ANKRD11: variants seen among roughly 807,000 people sequenced by gnomAD.
ANKRD11 encodes the protein ankyrin repeat domain-containing protein 11.
ANKRD11 carries 17 observed loss-of-function variants against 195.7 expected under a neutral mutation model. That is an observed-to-expected ratio of 0.09 (90% CI 0.06 to 0.13). The LOEUF is 0.13. Among genes scored for constraint, ANKRD11 ranks in the 10% least tolerant of loss-of-function variants. The pLI is 1.00. For synonymous variants in ANKRD11, 1,953 were observed against 1,528.1 expected, an observed-to-expected ratio of 1.28 and a Z score of -6.49; for missense variants, 3,735 against 3,566.1, an observed-to-expected ratio of 1.05 and a Z score of -1.21.
Position 89,354,243 on chromosome 16 carries a change from CAAAAAA to C in ANKRD11, c.-59-37171_-59-37166del, listed in dbSNP as rs5818711. ...TATATAACTAAATTTTGCATTCAGC[CAAAAAA>C]AAAAAAAAAAAGAAAACTTCATGTT... On this transcript the variant is annotated intron_variant, in intron 2 of 12. Transcript: ENST00000301030. Among the ~76,000 whole-genome samples the C allele has an allele frequency of 1.1e-3, 144 of 126,240 alleles. 1 individual carries two copies. The highest frequency in any genetic ancestry group is 7.8e-3 in the Middle Eastern group (2 of 256). 82.8% of individuals were successfully genotyped at this position (126,240 alleles called of 152,430 possible). A position where few individuals can be genotyped will look rare whatever the true frequency, so the allele number is the denominator to read the frequency against.
chr16:89,344,334 G>A (rs2038838354), intron 2 of ANKRD11, among the ~76,000 whole-genome samples: 1 of 152,214 alleles, frequency 6.6e-6, no homozygotes, highest in Admixed American at 6.5e-5. Flanking sequence ...CAAAGAGACA[G>A]GAGCTGCAAC....
At chr16:89,379,977 C>A (rs977961583) in intron 2 of ANKRD11, among the ~76,000 whole-genome samples, 2 of 152,230 alleles carry the variant, frequency 1.3e-5, no homozygotes, top group Non-Finnish European at 2.9e-5. Context: ...TTACCAAACA[C>A]TATTTTCTGC....
chr16:89,389,071 A>G (rs910567542), intron 2 of ANKRD11, among the ~76,000 whole-genome samples: 7 of 152,230 alleles, frequency 4.6e-5, no homozygotes, highest in African/African-American at 1.4e-4. Flanking sequence ...TAGGACAGCA[A>G]TGGATTACAG....
At chr16:89,428,035 C>T in intron 1 of ANKRD11, among the ~76,000 whole-genome samples, 1 of 150,248 alleles carries the variant, frequency 6.7e-6, no homozygotes, top group East Asian at 2.0e-4. Flanking sequence ...TGGTGAAACG[C>T]CATCTCTAAT....
intron 2 of ANKRD11, among the ~76,000 whole-genome samples, chr16:89,396,304 ACT>A (rs149379454): frequency 0.01 from 1,559 of 152,268 alleles, 22 homozygotes; most frequent in African/African-American, 0.035. Flanking sequence ...TTGGGTGCAC[ACT>A]GTGTGCTGAC....
intron 11 of ANKRD11, 60 bp downstream of exon 11, chr16:89,274,754 G>A: frequency 2.5e-6 from 4 of 1,599,464 alleles, no homozygotes; most frequent in Non-Finnish European, 3.4e-6. Flanking sequence ...TCAAGGGGAG[G>A]GGAGGCGGGC....
intron 2 of ANKRD11, chr16:89,324,514 C>G (rs1329991853): frequency 1.5e-5 from 7 of 456,106 alleles, no homozygotes; most frequent in Non-Finnish European, 2.6e-5. Flanking sequence ...CTTGAGGAAG[C>G]TGCCAAAGGA....
In ANKRD11 at chr16:89,291,006, G is replaced by C; in HGVS notation, c.397+7C>G. 6.2e-7 allele frequency: 1 copy of C among 1,610,822 alleles called. No homozygotes were observed. The highest frequency in any genetic ancestry group is 8.5e-7 in the Non-Finnish European group (1 of 1,179,776). On this transcript the variant is annotated splice_region_variant and intron_variant, in intron 5 of 12. Transcript: ENST00000301030. This position sits in a 1 kb window ranked among gnomAD's most constrained non-coding sequence, Gnocchi z 5.3. ...TGCGCCAGGGACCACCCACAGGCCG[G>C]GCTCACCTGGGCTGTTGGCAGACTC...
intron 1 of ANKRD11, among the ~76,000 whole-genome samples, chr16:89,444,434 G>A (rs544920381): frequency 2.6e-5 from 4 of 152,024 alleles, no homozygotes; most frequent in African/African-American, 4.8e-5. Flanking sequence ...AAGCACTAAC[G>A]GCCTACTTTT....
chr16:89,283,267 G>A lies in ANKRD11; in HGVS notation c.3275C>T (p.Pro1092Leu), dbSNP rs769125026. ...QGKEKKEKAF[P>L]GIISEDFSEK... ...AGAGAAGTCTTCTGAGATGATCCCA[G>A]GGAAAGCCTTCTCCTTCTTCTCTTT... Residue 1092 changes from proline to leucine, a missense_variant, in exon 9 of 13, where the codon CCT becomes CTT. Physicochemically the swap from Pro to Leu is moderately conservative, Grantham distance 98. Transcript: ENST00000301030. This position sits in a 1 kb window ranked among gnomAD's most constrained non-coding sequence, Gnocchi z 4.3. 1.9e-6 allele frequency: 3 copies of A among 1,614,078 alleles called. No homozygotes were observed. In the East Asian group the frequency reaches 6.7e-5, roughly 36 times the overall value.
chr16:89,461,061 G>A (rs1161126384), intron 1 of ANKRD11, among the ~76,000 whole-genome samples: 8 of 141,850 alleles, frequency 5.6e-5, no homozygotes, highest in Non-Finnish European at 7.6e-5. Context: ...CGCAGGAGAC[G>A]CACCTTGAGT....
intron 1 of ANKRD11, among the ~76,000 whole-genome samples, chr16:89,453,737 C>G (rs1172751942): frequency 2.0e-5 from 3 of 152,232 alleles, no homozygotes; most frequent in South Asian, 4.1e-4. Flanking sequence ...CAAAAGAGAC[C>G]GGATGCCACT....
intron 1 of ANKRD11, among the ~76,000 whole-genome samples, chr16:89,463,459 A>ACGGTTGAAGGCAGCATACT (rs1333771437): frequency 1.2e-4 from 18 of 152,200 alleles, no homozygotes; most frequent in Non-Finnish European, 2.4e-4. Context: ...TGTTAAACAG[A>ACGGTTGAAGGCAGCATACT]CGGTTGAAGG....
At chr16:89,323,031 T>G in intron 2 of ANKRD11, 2 of 295,232 alleles carry the variant, frequency 6.8e-6, no homozygotes, top group East Asian at 1.1e-4. Flanking sequence ...TTCTGTGGAG[T>G]CGGGTTTCGC....
At position 89,280,433 on chromosome 16, in the gene ANKRD11, C is replaced by G; in HGVS notation, c.6109G>C (p.Val2037Leu). ...GGGACGGCGTCCACTCCGTCCTTGA[C>G]GTCCTCCAGCCCCGGCTCAGCGACG... ...LPVAEPGLED[V>L]KDGVDAVPAA... is the part of the protein sequence containing the mutation. The change falls in exon 9 of 13, where the codon GTC becomes CTC. Residue 2037 changes from valine (V) to leucine (L), a missense_variant. Coordinates refer to ENST00000301030, the MANE Select transcript of ANKRD11 (RefSeq NM_013275.6). 1 of 1,579,466 alleles carries G rather than the reference C, an allele frequency of 6.3e-7. No homozygotes were observed.
intron 1 of ANKRD11, among the ~76,000 whole-genome samples, chr16:89,443,132 C>T (rs1221227255): frequency 6.6e-6 from 1 of 152,106 alleles, no homozygotes; most frequent in Admixed American, 6.5e-5. Flanking sequence ...GCTCGGATTA[C>T]AGGCATGCAT....
intron 9 of ANKRD11, among the ~76,000 whole-genome samples, chr16:89,275,717 C>T (rs2033597865): frequency 6.6e-6 from 1 of 152,172 alleles, no homozygotes; most frequent in African/African-American, 2.4e-5. Flanking sequence ...CCCGTGGGGG[C>T]TGGGGGACTG....
chr16:89,430,537 G>A (rs1366697975), intron 1 of ANKRD11, among the ~76,000 whole-genome samples: 1 of 151,810 alleles, frequency 6.6e-6, no homozygotes, highest in African/African-American at 2.4e-5. Context: ...CTCACGCTCA[G>A]ACGTTCTAGT....
intron 2 of ANKRD11, among the ~76,000 whole-genome samples, chr16:89,375,449 A>T (rs2040380708): frequency 8.0e-6 from 1 of 124,642 alleles, no homozygotes; most frequent in South Asian, 2.9e-4. Flanking sequence ...CAGGCAACAC[A>T]GCAAGACTCT....
Sources: allele counts gnomAD v4.1 joint callset (sites outside exome capture counted in the v4.1 genomes callset), GRCh38; gene constraint gnomAD v4.1.1; non-coding constraint Gnocchi (gnomAD v3.1); transcripts MANE v1.5; gene names NCBI Gene and HGNC (gene_info 2026-07-23, HGNC 2026-07-21).